Variants in NOVA1 observed in about 807,000 individuals in gnomAD.
NOVA1 encodes the protein NOVA alternative splicing regulator 1.
A neutral mutation model predicts 38.0 loss-of-function variants in NOVA1; 7 were observed. That is an observed-to-expected ratio of 0.18 (90% confidence interval 0.10 to 0.35). The LOEUF (loss-of-function observed/expected upper bound fraction) is 0.35. Ranked by LOEUF, NOVA1 falls within the 10% of genes least tolerant of loss-of-function variation. The pLI is 1.00. For synonymous variants in NOVA1, 270 were observed against 232.5 expected, an observed-to-expected ratio of 1.16 and a Z score of -1.47; for missense variants, 460 against 616.0, an observed-to-expected ratio of 0.75 and a Z score of 2.68.
At position 26,531,144 on chromosome 14, in the gene NOVA1, G is replaced by GA. The variant is rs559074963; in HGVS notation, c.281-51002dup. Reference sequence around the variant, plus strand: ...AGTCAGTACTAAATTAACTTCAGCAGAAAAAAATCCATCTACTCCTTCTTT... The same window carrying GA: ...AGTCAGTACTAAATTAACTTCAGCAGAAAAAAAATCCATCTACTCCTTCTTT... On this transcript the variant is annotated intron_variant, in intron 2 of 4. Transcript: ENST00000539517. Among the ~76,000 whole-genome samples, 209 of 152,234 alleles carry GA rather than the reference G, an allele frequency of 1.4e-3. 1 individual carries two copies. The highest frequency in any genetic ancestry group is 4.5e-3 in the African/African-American group (188 of 41,538).
At chr14:26,578,820 C>G (rs187158186) in intron 2 of NOVA1, among the ~76,000 whole-genome samples, 1 of 152,130 alleles carries the variant, frequency 6.6e-6, no homozygotes, top group Admixed American at 6.5e-5. Flanking sequence ...CAGTGATAAC[C>G]TTTAGTCATC....
chr14:26,453,183 TG>T (rs1192158615), intron 4 of NOVA1, among the ~76,000 whole-genome samples: 10 of 61,338 alleles, frequency 1.6e-4, no homozygotes, highest in East Asian at 8.2e-4. Flanking sequence ...TATGTATGTA[TG>T]TATGTATGTA....
intron 4 of NOVA1, among the ~76,000 whole-genome samples, chr14:26,452,533 G>A (rs554440471): frequency 6.6e-6 from 1 of 152,262 alleles, no homozygotes; most frequent in Middle Eastern, 3.4e-3. Context: ...TCTGTATACT[G>A]ATAGTATTTA....
chr14:26,536,428 G>C lies in NOVA1; in HGVS notation c.281-56285C>G, dbSNP rs185906802. Among the ~76,000 whole-genome samples the C allele has an allele frequency of 2.0e-5, 3 of 151,710 alleles. No homozygotes were observed. In the South Asian group the frequency reaches 6.2e-4, roughly 32 times the overall value. The stretch of plus-strand genomic sequence containing the variant: ...AAGGATACCCCCTTGCTAATGATGC[G>C]ACTTTTTTCAGATTGCATGCCTGTA... On this transcript the variant is annotated intron_variant, in intron 2 of 4. Coordinates refer to ENST00000539517, the MANE Select transcript of NOVA1 (RefSeq NM_002515.3).
chr14:26,507,026 ATAT>A (rs1438076332), intron 2 of NOVA1, among the ~76,000 whole-genome samples: 2 of 152,198 alleles, frequency 1.3e-5, no homozygotes, highest in African/African-American at 2.4e-5. Flanking sequence ...AATCCAAACC[ATAT>A]TATTTTATTT....
Position 26,448,429 on chromosome 14 carries a change from C to T in NOVA1, c.1054G>A (p.Ala352Thr). 6.2e-7 allele frequency: 1 copy of T among 1,611,442 alleles called. No homozygotes were observed. Among genetic ancestry groups the T allele is most frequent in the Non-Finnish European group, 8.5e-7 (1 of 1,179,324 alleles). The change falls in exon 5 of 5, where the codon GCC becomes ACC. Residue 352 changes from alanine (A) to threonine (T), a missense_variant. Ala to Thr is a moderately conservative substitution (Grantham distance 58). Coordinates refer to ENST00000539517, the MANE Select transcript of NOVA1 (RefSeq NM_002515.3). The surrounding 1 kb of genome is among the most constrained non-coding windows in gnomAD (Gnocchi z 5.3). ...TTGGCTGCTGCTGCTGCTGGGTTGGCACTGGCAGCTGCTGCAGCCAAAGCC... is the reference window on the plus strand; with the variant it reads ...TTGGCTGCTGCTGCTGCTGGGTTGGTACTGGCAGCTGCTGCAGCCAAAGCC... ...TGALAAAAASANPAAAAANLL... is the reference protein window; with the variant it reads ...TGALAAAAASTNPAAAAANLL...
intron 2 of NOVA1, among the ~76,000 whole-genome samples, chr14:26,486,994 T>C (rs933484159): frequency 6.6e-5 from 10 of 152,124 alleles, no homozygotes; most frequent in Non-Finnish European, 1.3e-4. Flanking sequence ...TAATAGTCTA[T>C]ATATGATAAT....
At chr14:26,527,912 T>C (rs1889419684) in intron 2 of NOVA1, among the ~76,000 whole-genome samples, 1 of 152,060 alleles carries the variant, frequency 6.6e-6, no homozygotes, top group Non-Finnish European at 1.5e-5. Flanking sequence ...AGAGGTACAA[T>C]GAAAGACAGA....
intron 2 of NOVA1, among the ~76,000 whole-genome samples, chr14:26,543,944 T>C (rs775767758): frequency 4.6e-4 from 69 of 151,036 alleles, no homozygotes; most frequent in Non-Finnish European, 7.3e-4. Context: ...TATAGATTGA[T>C]TGAGAAGGAA....
chr14:26,553,412 G>T (rs2138651773), intron 2 of NOVA1, among the ~76,000 whole-genome samples: 1 of 152,276 alleles, frequency 6.6e-6, no homozygotes, highest in Middle Eastern at 3.4e-3. Flanking sequence ...GAATAGTGCT[G>T]TTGCTGAGAG....
chr14:26,497,567 C>T (rs1055401325), intron 2 of NOVA1, among the ~76,000 whole-genome samples: 2 of 152,124 alleles, frequency 1.3e-5, no homozygotes, highest in Admixed American at 6.5e-5. Context: ...AATATACCTA[C>T]CATACATTTC....
intron 2 of NOVA1, among the ~76,000 whole-genome samples, chr14:26,529,386 C>A (rs1889539373): frequency 1.3e-5 from 2 of 152,134 alleles, no homozygotes; most frequent in South Asian, 4.1e-4. Flanking sequence ...GATCTGCCCA[C>A]TTCTGTCTCC....
At chr14:26,576,109 G>A (rs1892822683) in intron 2 of NOVA1, among the ~76,000 whole-genome samples, 1 of 151,420 alleles carries the variant, frequency 6.6e-6, no homozygotes, top group Non-Finnish European at 1.5e-5. Context: ...TATTGATTTA[G>A]CACAATATTC....
intron 2 of NOVA1, among the ~76,000 whole-genome samples, chr14:26,541,137 G>A (rs1307812180): frequency 6.6e-6 from 1 of 152,086 alleles, no homozygotes; most frequent in African/African-American, 2.4e-5. Flanking sequence ...AATGAGAATA[G>A]GGAACTTCTG....
At chr14:26,478,708 A>C (rs1885192970) in intron 3 of NOVA1, among the ~76,000 whole-genome samples, 2 of 152,112 alleles carry the variant, frequency 1.3e-5, no homozygotes, top group South Asian at 4.1e-4. Flanking sequence ...TACAGCTTTA[A>C]AATATTTATA....
At chr14:26,566,107 T>A (rs1892121359) in intron 2 of NOVA1, among the ~76,000 whole-genome samples, 1 of 152,118 alleles carries the variant, frequency 6.6e-6, no homozygotes, top group Non-Finnish European at 1.5e-5. Context: ...TAAAATGCTA[T>A]AAGGAATGCA....
intron 2 of NOVA1, 146 bp from the exon 3 acceptor site, chr14:26,480,289 A>G (rs933362092): frequency 1.5e-6 from 1 of 677,564 alleles, no homozygotes; most frequent in Non-Finnish European, 2.4e-6. Context: ...TAATATATAC[A>G]TGTCTCTTCT....
intron 4 of NOVA1, among the ~76,000 whole-genome samples, chr14:26,469,729 T>C (rs559090381): frequency 1.3e-5 from 2 of 152,246 alleles, no homozygotes; most frequent in South Asian, 4.1e-4. Flanking sequence ...GCTAGGATTA[T>C]AGGCAAGTGC....
intron 2 of NOVA1, among the ~76,000 whole-genome samples, chr14:26,576,604 T>C (rs1892859638): frequency 6.6e-6 from 1 of 151,880 alleles, no homozygotes; most frequent in South Asian, 2.1e-4. Context: ...TGTGTCTGTG[T>C]GTGTGTATAT....
Sources: allele counts gnomAD v4.1 joint callset (sites outside exome capture counted in the v4.1 genomes callset), GRCh38; gene constraint gnomAD v4.1.1; non-coding constraint Gnocchi (gnomAD v3.1); transcripts MANE v1.5; gene names NCBI Gene and HGNC (gene_info 2026-07-23, HGNC 2026-07-21).